The following AGBL4 variants were observed in gnomAD, a reference collection of about 807,000 sequenced individuals.
AGBL4 encodes the protein AGBL carboxypeptidase 4, also known as cytosolic carboxypeptidase 6.
Under a neutral mutation model 66.4 loss-of-function variants are expected in AGBL4, and 58 were observed. That is an observed-to-expected ratio of 0.87 (90% CI 0.71 to 1.09). The LOEUF (loss-of-function observed/expected upper bound fraction) is 1.09. AGBL4 is among the 50% of genes least tolerant of loss of function. The pLI is 0.00. For missense variants in AGBL4, 579 were observed against 631.0 expected, an observed-to-expected ratio of 0.92 and a Z score of 0.88; for synonymous variants, 234 against 222.9, an observed-to-expected ratio of 1.05 and a Z score of -0.44.
intron 1 of AGBL4, among the ~76,000 whole-genome samples, chr1:49,948,961 T>A (rs547811250): frequency 2.0e-5 from 3 of 151,692 alleles, no homozygotes; most frequent in Non-Finnish European, 4.4e-5. Context: ...TATAAGGCCA[T>A]AGTCACCAAA....
At chr1:48,725,841 C>T (rs1049596842) in intron 6 of AGBL4, among the ~76,000 whole-genome samples, 2 of 152,214 alleles carry the variant, frequency 1.3e-5, no homozygotes, top group Non-Finnish European at 2.9e-5. Context: ...GTGTGTGAAG[C>T]CTCCCGATTA....
intron 3 of AGBL4, among the ~76,000 whole-genome samples, chr1:49,572,622 T>C (rs897201418): frequency 2.0e-5 from 3 of 152,230 alleles, no homozygotes; most frequent in Non-Finnish European, 4.4e-5. Context: ...TTCTAGATTT[T>C]CTAGTTTATT....
chr1:48,651,616 C>T (rs1158162501), intron 8 of AGBL4, among the ~76,000 whole-genome samples: 1 of 152,174 alleles, frequency 6.6e-6, no homozygotes, highest in African/African-American at 2.4e-5. Context: ...TGCTAATGAA[C>T]CATCACTTCA....
chr1:49,967,678 A>G (rs1045026309), intron 1 of AGBL4, among the ~76,000 whole-genome samples: 6 of 152,212 alleles, frequency 3.9e-5, no homozygotes, highest in Non-Finnish European at 5.9e-5. Context: ...AATAAAGATT[A>G]TACTGTTGAT....
intron 3 of AGBL4, among the ~76,000 whole-genome samples, chr1:49,508,862 A>G (rs1379919017): frequency 6.6e-6 from 1 of 151,882 alleles, no homozygotes; most frequent in East Asian, 1.9e-4. Flanking sequence ...ATTACAGGCA[A>G]TCTCAAATTT....
intron 4 of AGBL4, among the ~76,000 whole-genome samples, chr1:49,052,688 G>T (rs1644241732): frequency 6.6e-6 from 1 of 152,106 alleles, no homozygotes; most frequent in Non-Finnish European, 1.5e-5. Flanking sequence ...TTACTTTGTT[G>T]TTACATCATG....
At chr1:48,649,137 G>A (rs1645885607) in intron 8 of AGBL4, among the ~76,000 whole-genome samples, 1 of 152,186 alleles carries the variant, frequency 6.6e-6, no homozygotes, top group African/African-American at 2.4e-5. Flanking sequence ...ACTTCACGGA[G>A]TTTATAGTCT....
At chr1:49,005,187 A>C (rs1418585773) in intron 5 of AGBL4, among the ~76,000 whole-genome samples, 1 of 152,222 alleles carries the variant, frequency 6.6e-6, no homozygotes. Context: ...ACAAAATTGA[A>C]AGTCACATTC....
chr1:48,885,158 A>G (rs1650198304), intron 5 of AGBL4, among the ~76,000 whole-genome samples: 1 of 152,166 alleles, frequency 6.6e-6, no homozygotes, highest in African/African-American at 2.4e-5. Context: ...GCTCACAGCT[A>G]AATATGATTT....
intron 4 of AGBL4, among the ~76,000 whole-genome samples, chr1:49,086,331 C>T (rs1424198166): frequency 6.6e-6 from 1 of 152,084 alleles, no homozygotes; most frequent in Non-Finnish European, 1.5e-5. Flanking sequence ...GGTCTTACTT[C>T]TGGCTGGACT....
chr1:49,051,270 C>A (rs903620214), intron 4 of AGBL4, among the ~76,000 whole-genome samples: 2 of 151,986 alleles, frequency 1.3e-5, no homozygotes, highest in Non-Finnish European at 2.9e-5. Flanking sequence ...CTCAGATATC[C>A]CCAAAGGAAG....
intron 5 of AGBL4, among the ~76,000 whole-genome samples, chr1:49,004,647 A>G (rs570705432): frequency 4.5e-4 from 68 of 152,336 alleles, no homozygotes; most frequent in Non-Finnish European, 9.0e-4. Context: ...AATACTAGGC[A>G]TAAAATGCTG....
chr1:49,880,730 T>A (rs1212384084), intron 1 of AGBL4, among the ~76,000 whole-genome samples: 1 of 152,166 alleles, frequency 6.6e-6, no homozygotes, highest in Non-Finnish European at 1.5e-5. Flanking sequence ...TAAGCAAGCC[T>A]GGGCAATGGC....
intron 3 of AGBL4, among the ~76,000 whole-genome samples, chr1:49,395,801 A>G (rs1644954008): frequency 7.6e-6 from 1 of 131,086 alleles, no homozygotes; most frequent in African/African-American, 2.9e-5. Flanking sequence ...ATATATATAC[A>G]TATATATATG....
chr1:50,022,392 G>A (rs917783085), intron 1 of AGBL4, among the ~76,000 whole-genome samples: 1 of 152,142 alleles, frequency 6.6e-6, no homozygotes, highest in Non-Finnish European at 1.5e-5. Flanking sequence ...GTTAGCACTC[G>A]ATATTTGTTG....
intron 3 of AGBL4, among the ~76,000 whole-genome samples, chr1:49,573,132 C>CTG (rs959516510): frequency 4.0e-5 from 5 of 126,098 alleles, no homozygotes; most frequent in East Asian, 4.5e-4. Flanking sequence ...ATATGTGTGT[C>CTG]TGTGTGTGTG....
chr1:49,878,087 T>C (rs1467961895), intron 1 of AGBL4, among the ~76,000 whole-genome samples: 2 of 150,906 alleles, frequency 1.3e-5, no homozygotes, highest in Admixed American at 6.6e-5. Flanking sequence ...TCTATCAATT[T>C]TGTTGATCCT....
At chr1:49,470,902 T>A (rs888909039) in intron 3 of AGBL4, among the ~76,000 whole-genome samples, 1 of 152,048 alleles carries the variant, frequency 6.6e-6, no homozygotes, top group African/African-American at 2.4e-5. Flanking sequence ...AAAGTTGCTG[T>A]CTAACACTAC....
chr1:49,197,493 C>T (rs1037729451), intron 4 of AGBL4, among the ~76,000 whole-genome samples: 1 of 152,144 alleles, frequency 6.6e-6, no homozygotes, highest in Non-Finnish European at 1.5e-5. Context: ...TGCTAAATCC[C>T]CGTTAACCAG....
Sources: allele counts gnomAD v4.1 joint callset (sites outside exome capture counted in the v4.1 genomes callset), GRCh38; gene constraint gnomAD v4.1.1; transcripts MANE v1.5; gene names NCBI Gene and HGNC (gene_info 2026-07-23, HGNC 2026-07-21).